The following GMDS variants were observed in gnomAD, a reference collection of about 807,000 sequenced individuals.
The protein encoded by GMDS is GDP-mannose 4,6-dehydratase.
Under a neutral mutation model 49.9 loss-of-function variants are expected in GMDS, and 20 were observed. That is an observed-to-expected ratio of 0.40 (90% CI 0.28 to 0.58). The LOEUF is 0.58. Among genes scored for constraint, GMDS ranks in the 20% least tolerant of loss-of-function variants. GMDS has a pLI of 0.42. For missense variants in GMDS, 362 were observed against 481.4 expected (o/e 0.75, Z 2.32); for synonymous variants, 177 against 178.6 (o/e 0.99, Z 0.07).
At chr6:2,192,416 T>C (rs190296998) in intron 1 of GMDS, among the ~76,000 whole-genome samples, 344 of 152,316 alleles carry the variant, frequency 2.3e-3, no homozygotes, top group Non-Finnish European at 3.8e-3. Context: ...ACCCACTAAA[T>C]GGCAAGGCTA....
intron 6 of GMDS, among the ~76,000 whole-genome samples, chr6:1,947,931 C>A (rs1034265327): frequency 6.6e-6 from 1 of 151,942 alleles, no homozygotes; most frequent in Non-Finnish European, 1.5e-5. Context: ...ATGCATTTTC[C>A]CCTTTATTCC....
chr6:1,873,776 GA>G (rs1469724166), intron 7 of GMDS, among the ~76,000 whole-genome samples: 2 of 152,180 alleles, frequency 1.3e-5, no homozygotes, highest in Non-Finnish European at 2.9e-5. Flanking sequence ...ATCAAGAGGA[GA>G]AGCTGGTGAC....
At chr6:2,226,090 G>A (rs1780801924) in intron 1 of GMDS, among the ~76,000 whole-genome samples, 1 of 152,130 alleles carries the variant, frequency 6.6e-6, no homozygotes, top group Non-Finnish European at 1.5e-5. Context: ...CAAAGAGGAG[G>A]GAGAAAGGAA....
chr6:2,154,366 C>T (rs1380435170), intron 1 of GMDS, among the ~76,000 whole-genome samples: 1 of 152,042 alleles, frequency 6.6e-6, no homozygotes, highest in African/African-American at 2.4e-5. Flanking sequence ...AGCAAAATAA[C>T]ATTTAAAATA....
At chr6:2,209,413 C>A (rs1345221248) in intron 1 of GMDS, among the ~76,000 whole-genome samples, 1 of 152,264 alleles carries the variant, frequency 6.6e-6, no homozygotes, top group East Asian at 1.9e-4. Context: ...GACTAGCTCA[C>A]CTTCCCCCTG....
rs149057214 is a variant in GMDS at position 1,742,545 on chromosome 6, G to T, written c.813C>A (p.Phe271Leu). 1.2e-6 allele frequency: 2 copies of T among 1,611,610 alleles called. No homozygotes were observed. Among genetic ancestry groups the T allele is most frequent in the Non-Finnish European group, 1.7e-6 (2 of 1,177,808 alleles). The change falls in exon 8 of 11, where the codon TTC (phenylalanine) becomes TTA (leucine). Residue 271 changes from phenylalanine to leucine, a missense_variant. Phe to Leu is a conservative substitution (Grantham distance 22). Coordinates refer to ENST00000380815, the MANE Select transcript of GMDS (RefSeq NM_001500.4). ...TATGGACCTCCCCAGTAGCTATAAC[G>T]AAGTCCTCCGGCTCATCATTCTGCA... ...LMLQNDEPEDFVIATGEVHSV... is the reference protein window; with the variant it reads ...LMLQNDEPEDLVIATGEVHSV...
chr6:2,205,200 C>T (rs1178555849), intron 1 of GMDS, among the ~76,000 whole-genome samples: 1 of 152,150 alleles, frequency 6.6e-6, no homozygotes, highest in Non-Finnish European at 1.5e-5. Flanking sequence ...TTGGTTAAAG[C>T]CAAGTTATCA....
chr6:2,181,662 C>T (rs999007754), intron 1 of GMDS, among the ~76,000 whole-genome samples: 7 of 152,050 alleles, frequency 4.6e-5, no homozygotes, highest in Non-Finnish European at 1.0e-4. Context: ...ATCTTTGTTA[C>T]CACTGTAATT....
At chr6:2,079,718 T>C (rs561856644) in intron 4 of GMDS, among the ~76,000 whole-genome samples, 2 of 152,258 alleles carry the variant, frequency 1.3e-5, no homozygotes, top group East Asian at 1.9e-4. Context: ...CACTTTTCTC[T>C]TGCCTTTTTC....
At chr6:1,901,959 G>A (rs747543476) in intron 7 of GMDS, among the ~76,000 whole-genome samples, 7 of 152,154 alleles carry the variant, frequency 4.6e-5, no homozygotes, top group Admixed American at 6.5e-5. Context: ...TGACTTCTGC[G>A]CAATGGTAAA....
chr6:2,224,155 C>T (rs182759656), intron 1 of GMDS, among the ~76,000 whole-genome samples: 1 of 152,052 alleles, frequency 6.6e-6, no homozygotes, highest in Non-Finnish European at 1.5e-5. Flanking sequence ...GGAAAGCAAC[C>T]AAATATAATG....
intron 7 of GMDS, among the ~76,000 whole-genome samples, chr6:1,759,215 C>T (rs1408472050): frequency 6.6e-6 from 1 of 152,178 alleles, no homozygotes; most frequent in Non-Finnish European, 1.5e-5. Context: ...GGAAGGAAGA[C>T]TGATAGGGTG....
chr6:1,845,267 G>T (rs1198332952), intron 7 of GMDS, among the ~76,000 whole-genome samples: 1 of 152,162 alleles, frequency 6.6e-6, no homozygotes, highest in African/African-American at 2.4e-5. Flanking sequence ...TGAGTTAATG[G>T]CAGAAAGTGT....
intron 7 of GMDS, among the ~76,000 whole-genome samples, chr6:1,818,436 T>G (rs1160987817): frequency 6.6e-6 from 1 of 151,246 alleles, no homozygotes; most frequent in Non-Finnish European, 1.5e-5. Flanking sequence ...GGTGAAACCC[T>G]GTCTCTATTG....
At chr6:1,825,923 C>T (rs900986417) in intron 7 of GMDS, among the ~76,000 whole-genome samples, 6 of 151,988 alleles carry the variant, frequency 3.9e-5, no homozygotes, top group East Asian at 1.9e-4. Context: ...GGCTGAGGCA[C>T]GAGGATCACT....
At chr6:1,921,206 C>T (rs1238246850) in intron 7 of GMDS, among the ~76,000 whole-genome samples, 3 of 152,184 alleles carry the variant, frequency 2.0e-5, no homozygotes, top group Non-Finnish European at 4.4e-5. Flanking sequence ...CATACCCTGG[C>T]CAATAACTGC....
At chr6:1,675,531 G>T (rs1253335102) in intron 9 of GMDS, among the ~76,000 whole-genome samples, 1 of 152,110 alleles carries the variant, frequency 6.6e-6, no homozygotes, top group African/African-American at 2.4e-5. Context: ...GATCTTGGGG[G>T]AAAGCATCTA....
intron 8 of GMDS, among the ~76,000 whole-genome samples, chr6:1,728,234 T>A (rs906397263): frequency 1.3e-4 from 20 of 152,352 alleles, no homozygotes; most frequent in Admixed American, 6.5e-4. Flanking sequence ...TATTATTATT[T>A]TTTTTAAATA....
chr6:1,724,181 T>C (rs918917937), intron 9 of GMDS, among the ~76,000 whole-genome samples: 2 of 152,022 alleles, frequency 1.3e-5, no homozygotes, highest in South Asian at 2.1e-4. Flanking sequence ...AGATTCAAAA[T>C]TGGACAGTAA....
Sources: allele counts gnomAD v4.1 joint callset (sites outside exome capture counted in the v4.1 genomes callset), GRCh38; gene constraint gnomAD v4.1.1; transcripts MANE v1.5; gene names NCBI Gene and HGNC (gene_info 2026-07-23, HGNC 2026-07-21).